TENM2: variants seen among roughly 807,000 people sequenced by gnomAD.
The protein encoded by TENM2 is teneurin-2.
In TENM2, 52 loss-of-function variants were observed where a neutral mutation model predicts 245.2. The observed-to-expected ratio is 0.21, with a 90% CI of 0.17 to 0.27. TENM2 has a LOEUF of 0.27. TENM2 is among the 10% of genes least tolerant of loss of function. The pLI, the probability that TENM2 is intolerant of heterozygous loss-of-function variation, is 1.00. For synonymous variants in TENM2, 1,363 were observed against 1,438.9 expected, an observed-to-expected ratio of 0.95 and a Z score of 1.19; for missense variants, 3,046 against 3,666.8, an observed-to-expected ratio of 0.83 and a Z score of 4.37.
chr5:167,599,540 TTGGCGGTCCCCG>T (rs1776463363), intron 2 of TENM2, among the ~76,000 whole-genome samples: 1 of 152,158 alleles, frequency 6.6e-6, no homozygotes, highest in Non-Finnish European at 1.5e-5. Context: ...CAAAAATAGT[TTGGCGGTCCCCG>T]TGGCAAAACT....
intron 2 of TENM2, among the ~76,000 whole-genome samples, chr5:167,692,664 G>A (rs1278410801): frequency 6.6e-6 from 1 of 152,148 alleles, no homozygotes; most frequent in Non-Finnish European, 1.5e-5. Context: ...AGAAGCAATT[G>A]TATTTATTCA....
intron 9 of TENM2, among the ~76,000 whole-genome samples, chr5:168,107,686 C>G (rs1794364336): frequency 2.0e-5 from 3 of 152,224 alleles, no homozygotes; most frequent in African/African-American, 7.2e-5. Context: ...GAGGCCTGAA[C>G]ACTCACTCTA....
chr5:168,208,519 G>A (rs1047199767), intron 19 of TENM2, among the ~76,000 whole-genome samples: 13 of 152,212 alleles, frequency 8.5e-5, no homozygotes, highest in African/African-American at 3.1e-4. Flanking sequence ...GCGTCAGCAA[G>A]GACAAGCTCT....
chr5:167,123,041 T>C, the TENM2 span, among the ~76,000 whole-genome samples: 1 of 151,828 alleles, frequency 6.6e-6, no homozygotes, highest in Non-Finnish European at 1.5e-5. Context: ...CTCATACCTG[T>C]AATCCCGGCA....
chr5:167,957,170 C>T (rs763100311), intron 4 of TENM2, among the ~76,000 whole-genome samples: 5 of 151,842 alleles, frequency 3.3e-5, no homozygotes, highest in African/African-American at 4.8e-5. Flanking sequence ...TTGGTCTATT[C>T]AGGGATTCGA....
At chr5:167,101,857 A>ATATATATATATATATATATATATT in the TENM2 span, among the ~76,000 whole-genome samples, 1 of 124,760 alleles carries the variant, frequency 8.0e-6, no homozygotes, top group Admixed American at 9.0e-5. Context: ...ATTTATATAT[A>ATATATATATATATATATATATATT]TATATATATA....
chr5:167,966,117 A>G lies in TENM2; in HGVS notation c.947+13295A>G, dbSNP rs573438006. On this transcript the variant is annotated intron_variant, in intron 4 of 28. Coordinates refer to ENST00000518659, the Ensembl canonical transcript of TENM2. Reference sequence around the variant, plus strand: ...CAAGAGACCCTTCTCTGAAGCTCTGAGGAATTGGTGGCAACCCGGATGGTA... The same window carrying G: ...CAAGAGACCCTTCTCTGAAGCTCTGGGGAATTGGTGGCAACCCGGATGGTA... Among the ~76,000 whole-genome samples the G allele has an allele frequency of 4.6e-5, 7 of 152,328 alleles. No individual in the cohort carries two copies. The East Asian group carries it at 1.4e-3, about 29-fold the overall frequency.
rs143962147 is a variant in TENM2 at position 167,679,516 on chromosome 5, G to T, written c.503-196470G>T. Among the ~76,000 whole-genome samples, 1,449 of 152,148 alleles carry T rather than the reference G, an allele frequency of 9.5e-3. 19 individuals carry two copies. The highest frequency in any genetic ancestry group is 0.033 in the African/African-American group (1,375 of 41,520). ...TAATTTGATTTATTTAAAGTTAAGC[G>T]GGTATGCGGTAGTGATTAATTTCAA... On this transcript the variant is annotated intron_variant, in intron 2 of 28. Coordinates refer to ENST00000518659, the Ensembl canonical transcript of TENM2.
the TENM2 span, among the ~76,000 whole-genome samples, chr5:167,245,948 G>T: frequency 6.6e-6 from 1 of 152,146 alleles, no homozygotes; most frequent in Non-Finnish European, 1.5e-5. Flanking sequence ...GGGGTACTCA[G>T]TCACAGGTAG....
At chr5:167,268,927 T>C in the TENM2 span, among the ~76,000 whole-genome samples, 102 of 134,480 alleles carry the variant, frequency 7.6e-4, no homozygotes, top group Middle Eastern at 7.6e-3. Flanking sequence ...GATAGATAGA[T>C]AGACAGACAT....
At chr5:167,534,015 TC>T (rs1459710780) in intron 2 of TENM2, among the ~76,000 whole-genome samples, 2 of 152,176 alleles carry the variant, frequency 1.3e-5, no homozygotes, top group African/African-American at 2.4e-5. Flanking sequence ...CCTTGCTGAG[TC>T]ACTGAGTGTG....
At chr5:167,254,505 A>C in the TENM2 span, among the ~76,000 whole-genome samples, 3 of 152,130 alleles carry the variant, frequency 2.0e-5, no homozygotes, top group Non-Finnish European at 1.5e-5. Flanking sequence ...CCAATGAACC[A>C]GCCCTTCTCT....
chr5:167,396,816 C>G (rs571004356), intron 2 of TENM2, among the ~76,000 whole-genome samples: 1 of 152,242 alleles, frequency 6.6e-6, no homozygotes, highest in South Asian at 2.1e-4. Flanking sequence ...GTAGACATGA[C>G]AAGGGCGAAG....
At chr5:167,436,132 C>T (rs1240036202) in intron 2 of TENM2, among the ~76,000 whole-genome samples, 1 of 151,802 alleles carries the variant, frequency 6.6e-6, no homozygotes, top group African/African-American at 2.4e-5. Context: ...TTGCCCACCA[C>T]CACACCCGGC....
At position 168,057,176 on chromosome 5, in the gene TENM2, CTTGT is replaced by C. The variant is rs530471504; in HGVS notation, c.1310-4881_1310-4878del. 1.5e-3 allele frequency among the ~76,000 whole-genome samples: 229 copies of C among 152,234 alleles called. 2 individuals are homozygous for C. The highest frequency in any genetic ancestry group is 5.1e-3 in the African/African-American group (211 of 41,548). On this transcript the variant is annotated intron_variant, in intron 6 of 28. Coordinates refer to ENST00000518659, the Ensembl canonical transcript of TENM2. ...AACTTAATTTGAAAGCAAACACTAGCTTGTTTAACAATATGGATATCTTCTGTTA... is the reference window on the plus strand; with the variant it reads ...AACTTAATTTGAAAGCAAACACTAGCTTAACAATATGGATATCTTCTGTTA...
intron 12 of TENM2, among the ~76,000 whole-genome samples, chr5:168,148,608 T>G (rs1231956021): frequency 1.3e-5 from 2 of 152,108 alleles, no homozygotes; most frequent in Non-Finnish European, 2.9e-5. Context: ...GGGTAAGTGA[T>G]AGATGGCTTT....
intron 2 of TENM2, among the ~76,000 whole-genome samples, chr5:167,557,830 G>A (rs1003592291): frequency 1.3e-5 from 2 of 152,072 alleles, no homozygotes; most frequent in African/African-American, 4.8e-5. Context: ...GAATTATCTG[G>A]CCCAACATGT....
chr5:167,895,927 A>G (rs535675383), intron 3 of TENM2, among the ~76,000 whole-genome samples: 69 of 152,374 alleles, frequency 4.5e-4, no homozygotes, highest in African/African-American at 1.5e-3. Context: ...TTGAGCATCT[A>G]CTGTTATAGA....
the TENM2 span, among the ~76,000 whole-genome samples, chr5:167,038,614 A>C: frequency 6.6e-6 from 1 of 152,200 alleles, no homozygotes; most frequent in Non-Finnish European, 1.5e-5. Flanking sequence ...AGTTAGAGTT[A>C]GGCTAGATTC....
Sources: gnomAD v4.1 joint callset for allele counts (sites outside exome capture counted in the v4.1 genomes callset) on GRCh38, gnomAD v4.1.1 for gene constraint, MANE v1.5 for transcripts, NCBI Gene and HGNC (gene_info 2026-07-23, HGNC 2026-07-21) for gene names.